The following BICC1 variants were observed in gnomAD, a reference collection of about 807,000 sequenced individuals.
BICC1 encodes the protein BicC family RNA binding protein 1.
A neutral mutation model predicts 111.0 loss-of-function variants in BICC1; 43 were observed. The ratio of observed to expected loss-of-function variants is 0.39; its 90% CI spans 0.30 to 0.50. The LOEUF (loss-of-function observed/expected upper bound fraction) is 0.50, where lower values mean the gene tolerates loss of function less well. Among genes scored for constraint, BICC1 ranks in the 20% least tolerant of loss-of-function variants. The pLI is 0.88. For synonymous variants in BICC1, 467 were observed against 434.4 expected, an observed-to-expected ratio of 1.07 and a Z score of -0.93; for missense variants, 1,091 against 1,203.2, an observed-to-expected ratio of 0.91 and a Z score of 1.38.
At position 58,830,481 on chromosome 10, in the gene BICC1, C is replaced by T. The variant is rs1015085099; in HGVS notation, c.*1590C>T. On this transcript the variant is annotated 3_prime_UTR_variant, in exon 21 of 21. Coordinates refer to ENST00000373886, the MANE Select transcript of BICC1 (RefSeq NM_001080512.3). ...CTCTCAGCAGAAGGCATTAGATAAGCATATACAAGAATTGGGTACTTTTAT... is the reference window on the plus strand; with the variant it reads ...CTCTCAGCAGAAGGCATTAGATAAGTATATACAAGAATTGGGTACTTTTAT... 1.3e-5 allele frequency: 2 copies of T among 152,128 alleles called. No homozygotes were observed. The highest frequency in any genetic ancestry group is 2.1e-4 in the South Asian group (1 of 4,830). 9.4% of individuals were successfully genotyped at this position (152,128 alleles called of 1,614,324 possible). A position where few individuals can be genotyped will look rare whatever the true frequency, so the allele number is the denominator to read the frequency against.
At chr10:58,529,056 G>A (rs984000568) in intron 1 of BICC1, among the ~76,000 whole-genome samples, 2 of 151,920 alleles carry the variant, frequency 1.3e-5, no homozygotes, top group Non-Finnish European at 2.9e-5. Context: ...AATTCTGTGG[G>A]CTAGAGCTTA....
At chr10:58,561,623 T>G (rs1253616074) in intron 1 of BICC1, among the ~76,000 whole-genome samples, 1 of 152,114 alleles carries the variant, frequency 6.6e-6, no homozygotes, top group African/African-American at 2.4e-5. Flanking sequence ...TTGTGTATCA[T>G]TTGTTCTTTT....
intron 3 of BICC1, among the ~76,000 whole-genome samples, chr10:58,723,436 C>T (rs1044498271): frequency 1.1e-4 from 17 of 152,258 alleles, no homozygotes; most frequent in Admixed American, 7.2e-4. Flanking sequence ...CCAGCTGAGG[C>T]TGCATGGTAT....
chr10:58,731,952 G>C (rs1438280572), intron 3 of BICC1, among the ~76,000 whole-genome samples: 1 of 152,120 alleles, frequency 6.6e-6, no homozygotes, highest in African/African-American at 2.4e-5. Context: ...TCATATCAAG[G>C]CTATTTCTCT....
At chr10:58,627,751 C>T (rs918938160) in intron 2 of BICC1, among the ~76,000 whole-genome samples, 2 of 151,932 alleles carry the variant, frequency 1.3e-5, no homozygotes, top group Non-Finnish European at 2.9e-5. Context: ...TATATCTTAG[C>T]GGGGGCATAG....
intron 3 of BICC1, among the ~76,000 whole-genome samples, chr10:58,703,398 G>A (rs557845797): frequency 1.3e-5 from 2 of 152,246 alleles, no homozygotes; most frequent in East Asian, 3.9e-4. Context: ...CTGAGTTCAA[G>A]CAATTCTCCT....
At chr10:58,643,740 A>G (rs977356583) in intron 2 of BICC1, among the ~76,000 whole-genome samples, 2 of 152,242 alleles carry the variant, frequency 1.3e-5, no homozygotes, top group African/African-American at 2.4e-5. Flanking sequence ...AGCTTCCTCC[A>G]TGGCCACAGC....
At chr10:58,604,710 A>G (rs1178691744) in intron 1 of BICC1, among the ~76,000 whole-genome samples, 1 of 152,182 alleles carries the variant, frequency 6.6e-6, no homozygotes, top group African/African-American at 2.4e-5. Flanking sequence ...TCCTGAATGA[A>G]TATTAGTTCA....
intron 1 of BICC1, among the ~76,000 whole-genome samples, chr10:58,517,962 C>G (rs143024876): frequency 4.0e-5 from 6 of 149,092 alleles, no homozygotes; most frequent in African/African-American, 1.0e-4. Flanking sequence ...AATTATCTTA[C>G]GATTAATGAA....
chr10:58,652,675 G>T (rs190666170), intron 2 of BICC1, among the ~76,000 whole-genome samples: 2 of 152,044 alleles, frequency 1.3e-5, no homozygotes, highest in Admixed American at 1.3e-4. Flanking sequence ...AATTTTTTAA[G>T]GATGATAAAA....
chr10:58,568,247 G>A (rs574942685), intron 1 of BICC1, among the ~76,000 whole-genome samples: 6 of 152,150 alleles, frequency 3.9e-5, no homozygotes, highest in Admixed American at 2.0e-4. Flanking sequence ...CCTTTTTCTC[G>A]TTCTGCTCAG....
chr10:58,593,799 A>T (rs1844716189), intron 1 of BICC1, among the ~76,000 whole-genome samples: 1 of 152,046 alleles, frequency 6.6e-6, no homozygotes, highest in Non-Finnish European at 1.5e-5. Flanking sequence ...AAATTCCAAA[A>T]ACCAGAACGC....
intron 1 of BICC1, among the ~76,000 whole-genome samples, chr10:58,526,009 TG>T (rs1321017617): frequency 6.6e-6 from 1 of 151,916 alleles, no homozygotes; most frequent in Non-Finnish European, 1.5e-5. Flanking sequence ...TCTTCGTGAC[TG>T]TATTCTGAGG....
chr10:58,563,817 T>C (rs888350397), intron 1 of BICC1, among the ~76,000 whole-genome samples: 1 of 152,208 alleles, frequency 6.6e-6, no homozygotes, highest in Admixed American at 6.5e-5. Flanking sequence ...TGTTTAGCAA[T>C]ATGATGGGGT....
intron 1 of BICC1, among the ~76,000 whole-genome samples, chr10:58,601,923 T>C (rs1370320830): frequency 1.3e-5 from 2 of 152,150 alleles, no homozygotes; most frequent in African/African-American, 4.8e-5. Flanking sequence ...ATTAGAAAGA[T>C]ATTCTAGAGA....
intron 1 of BICC1, among the ~76,000 whole-genome samples, chr10:58,612,835 T>C (rs10740735): frequency 0.73 from 110,642 of 152,044 alleles, 40,589 homozygotes; most frequent in Admixed American, 0.81. Context: ...GATGTTATAA[T>C]AGAAAAGCAT....
At chr10:58,819,720 G>A (rs777241797) in intron 19 of BICC1, among the ~76,000 whole-genome samples, 17 of 152,100 alleles carry the variant, frequency 1.1e-4, no homozygotes, top group African/African-American at 2.9e-4. Flanking sequence ...AGTCAGGATC[G>A]AACCCAAGTC....
chr10:58,553,880 G>T (rs189292700), intron 1 of BICC1, among the ~76,000 whole-genome samples: 6 of 151,988 alleles, frequency 3.9e-5, no homozygotes, highest in Non-Finnish European at 8.8e-5. Context: ...TACTGGGTCT[G>T]GATGGGAAAG....
At chr10:58,649,405 A>G (rs1838372677) in intron 2 of BICC1, among the ~76,000 whole-genome samples, 1 of 152,168 alleles carries the variant, frequency 6.6e-6, no homozygotes. Context: ...CCCACCCACG[A>G]AGCCTGCCTG....
Sources: gnomAD v4.1 joint callset for allele counts (sites outside exome capture counted in the v4.1 genomes callset) on GRCh38, gnomAD v4.1.1 for gene constraint, MANE v1.5 for transcripts, NCBI Gene and HGNC (gene_info 2026-07-23, HGNC 2026-07-21) for gene names.